Variants in APTX observed in about 807,000 individuals in gnomAD.
APTX encodes aprataxin.
In APTX, 33 loss-of-function variants were observed where a neutral mutation model predicts 42.3. The ratio of observed to expected loss-of-function variants is 0.78; its 90% CI spans 0.59 to 1.04. The LOEUF (loss-of-function observed/expected upper bound fraction) is 1.04. APTX is among the 50% of genes least tolerant of loss of function. APTX has a pLI of 0.00. For missense variants in APTX, 421 were observed against 415.1 expected (o/e 1.01, Z -0.12); for synonymous variants, 130 against 146.7 (o/e 0.89, Z 0.82).
intron 1 of APTX, among the ~76,000 whole-genome samples, chr9:33,021,352 T>C (rs764433205): frequency 2.6e-5 from 4 of 152,142 alleles, no homozygotes; most frequent in Non-Finnish European, 4.4e-5. Context: ...CAAACTGATA[T>C]ATAAAATCAC....
chr9:33,018,591 CTG>C (rs1361470095), intron 1 of APTX, among the ~76,000 whole-genome samples: 1 of 131,806 alleles, frequency 7.6e-6, no homozygotes, highest in African/African-American at 2.8e-5. Context: ...AAAAAAAAGA[CTG>C]TACTTCCCCA....
intron 1 of APTX, among the ~76,000 whole-genome samples, chr9:32,998,470 C>T (rs1835487920): frequency 2.6e-5 from 4 of 152,000 alleles, no homozygotes; most frequent in Admixed American, 1.3e-4. Context: ...GGAACCAACC[C>T]AAATGCCCAT....
At chr9:33,000,625 C>CAAAAAAAAAAAAAAAAAAAAAAGA (rs1836090802) in intron 1 of APTX, among the ~76,000 whole-genome samples, 1 of 63,436 alleles carries the variant, frequency 1.6e-5, no homozygotes, top group Non-Finnish European at 3.0e-5. Flanking sequence ...GACTCTGTCT[C>CAAAAAAAAAAAAAAAAAAAAAAGA]AAAAAAAAAA....
chr9:33,021,285 TAC>T (rs1332918913), intron 1 of APTX, among the ~76,000 whole-genome samples: 1 of 151,956 alleles, frequency 6.6e-6, no homozygotes, highest in African/African-American at 2.4e-5. Context: ...AAAATAAATA[TAC>T]AGTTATATGT....
chr9:32,998,050 G>A (rs1421623002), intron 1 of APTX, among the ~76,000 whole-genome samples: 1 of 152,132 alleles, frequency 6.6e-6, no homozygotes, highest in East Asian at 1.9e-4. Context: ...TTTGAGAGAT[G>A]TTTAGGGGGT....
chr9:32,979,298 T>G (rs1830174509), intron 6 of APTX, among the ~76,000 whole-genome samples: 1 of 152,152 alleles, frequency 6.6e-6, no homozygotes, highest in African/African-American at 2.4e-5. Context: ...GGTATTTGGT[T>G]TTCTGCTCCT....
intron 6 of APTX, among the ~76,000 whole-genome samples, chr9:32,982,217 C>T (rs181715747): frequency 1.4e-4 from 22 of 152,210 alleles, no homozygotes; most frequent in Admixed American, 1.2e-3. Context: ...AATTAAAAGA[C>T]GTCCTAAAGA....
At chr9:32,988,222 C>T (rs568365108) in intron 2 of APTX, 93 bp from the exon 3 acceptor site, 42 of 1,158,610 alleles carry the variant, frequency 3.6e-5, no homozygotes, top group African/African-American at 3.2e-4. Flanking sequence ...TCACTACAGG[C>T]GGCAGCTGAA....
chr9:32,972,798 CAAG>C lies in APTX; in HGVS notation c.*697_*699del. 1 of 454,090 alleles carries C rather than the reference CAAG, an allele frequency of 2.2e-6. No individual in the cohort carries two copies. The highest frequency in any genetic ancestry group is 6.9e-5 in the East Asian group (1 of 14,398). 28.1% of individuals were successfully genotyped at this position (454,090 alleles called of 1,614,324 possible). On this transcript the variant is annotated 3_prime_UTR_variant, in exon 8 of 8. Transcript: ENST00000379817. ...TAACTTTATTTTCAGACAACAGGTC[CAAG>C]AAGACTTCACAGCTCAATCATGACG...
intron 1 of APTX, among the ~76,000 whole-genome samples, chr9:33,021,846 C>T (rs1838407161): frequency 6.6e-6 from 1 of 151,576 alleles, no homozygotes; most frequent in Non-Finnish European, 1.5e-5. Flanking sequence ...AACAATGATT[C>T]CAGATGCAGT....
chr9:32,981,223 A>T (rs562267908), intron 6 of APTX, among the ~76,000 whole-genome samples: 1 of 152,246 alleles, frequency 6.6e-6, no homozygotes, highest in Non-Finnish European at 1.5e-5. Flanking sequence ...TTATGGGTAC[A>T]CTAGGACTGA....
intron 1 of APTX, among the ~76,000 whole-genome samples, chr9:33,009,786 C>CT (rs1458650101): frequency 2.6e-5 from 4 of 151,376 alleles, no homozygotes; most frequent in Non-Finnish European, 5.9e-5. Flanking sequence ...TACTCTGTCT[C>CT]TAAAAAAAAT....
At chr9:33,000,625 CAAAAAAAA>C (rs60760701) in intron 1 of APTX, among the ~76,000 whole-genome samples, 128 of 63,444 alleles carry the variant, frequency 2.0e-3, no homozygotes, top group Admixed American at 7.5e-3. Context: ...GACTCTGTCT[CAAAAAAAA>C]AAAAAAAAAA....
intron 6 of APTX, chr9:32,979,983 G>C (rs1194670369): frequency 1.9e-5 from 3 of 160,782 alleles, no homozygotes; most frequent in Non-Finnish European, 4.1e-5. Context: ...CAAGCACCTC[G>C]CAACACTTTA....
At chr9:33,001,681 C>A (rs749298145), upstream of APTX, 4 of 1,572,838 alleles carry the variant, frequency 2.5e-6, no homozygotes, top group Non-Finnish European at 1.7e-6. Flanking sequence ...TCACCAGCAC[C>A]TCTCTAACGG....
At chr9:32,990,475 T>C (rs1833335853) in intron 1 of APTX, among the ~76,000 whole-genome samples, 1 of 152,170 alleles carries the variant, frequency 6.6e-6, no homozygotes, top group African/African-American at 2.4e-5. Flanking sequence ...ACCTGGCCTG[T>C]TACACATGTA....
chr9:32,985,319 G>A (rs1282845610), intron 5 of APTX, among the ~76,000 whole-genome samples: 1 of 143,268 alleles, frequency 7.0e-6, no homozygotes, highest in African/African-American at 2.6e-5. Flanking sequence ...CCTCAAGGAT[G>A]ATGCCTGTTT....
chr9:32,985,681 CCTGAAAGGAACCATA>C (rs1010881487), intron 5 of APTX, among the ~76,000 whole-genome samples: 14 of 152,016 alleles, frequency 9.2e-5, no homozygotes, highest in Non-Finnish European at 1.9e-4. Flanking sequence ...CTGATGCTCC[CCTGAAAGGAACCATA>C]CTAAGGTTAA....
chr9:33,001,770 A>G (rs1836611175), upstream of APTX: 10 of 847,104 alleles, frequency 1.2e-5, no homozygotes, highest in African/African-American at 3.4e-5. Context: ...CCGTGGTCCA[A>G]CTGAGGATCC....
Sources: gnomAD v4.1 joint callset for allele counts (sites outside exome capture counted in the v4.1 genomes callset) on GRCh38, gnomAD v4.1.1 for gene constraint, MANE v1.5 for transcripts, NCBI Gene and HGNC (gene_info 2026-07-23, HGNC 2026-07-21) for gene names.